Variants in SEPTIN10 observed in about 807,000 individuals in gnomAD.
The protein encoded by SEPTIN10 is septin-10.
In SEPTIN10, 66 loss-of-function variants were observed where a neutral mutation model predicts 54.8. The observed-to-expected ratio is 1.21, with a 90% CI of 0.99 to 1.48. The LOEUF (loss-of-function observed/expected upper bound fraction) is 1.48. Ranked by LOEUF, SEPTIN10 falls within the 40% of genes most tolerant of loss-of-function variation. The probability of loss-of-function intolerance (pLI) is 0.00; values close to 1 mark genes in which losing one functional copy is unlikely to be tolerated. For synonymous variants in SEPTIN10, 161 were observed against 181.0 expected (o/e 0.89, Z 0.89); for missense variants, 620 against 545.6 (o/e 1.14, Z -1.36).
At chr2:109,591,442 TACTAGTG>T (rs1431028967) in intron 2 of SEPTIN10, among the ~76,000 whole-genome samples, 1 of 152,146 alleles carries the variant, frequency 6.6e-6, no homozygotes, top group Non-Finnish European at 1.5e-5. Context: ...CACTAAAGAT[TACTAGTG>T]ACTCTGACAG....
chr2:109,544,095 T>C lies in SEPTIN10; in HGVS notation c.*214A>G, dbSNP rs771024780. ...TTGAAGCTTCTGGATTTCAGATTTTTGAATTAGAGATGCTCAACTTGTAGT... is the reference window on the plus strand; with the variant it reads ...TTGAAGCTTCTGGATTTCAGATTTTCGAATTAGAGATGCTCAACTTGTAGT... On this transcript the variant is annotated 3_prime_UTR_variant, in exon 11 of 11. Transcript: ENST00000397712. 6.8e-7 allele frequency: 1 copy of C among 1,460,542 alleles called. No homozygotes were observed. Among genetic ancestry groups the C allele is most frequent in the South Asian group, 1.3e-5 (1 of 78,192 alleles). 90.5% of individuals were successfully genotyped at this position (1,460,542 alleles called of 1,614,324 possible).
intron 4 of SEPTIN10, among the ~76,000 whole-genome samples, chr2:109,581,164 G>A (rs893531264): frequency 2.0e-5 from 3 of 152,216 alleles, no homozygotes; most frequent in Non-Finnish European, 2.9e-5. Flanking sequence ...GTTAGGCCGG[G>A]AGAGGTGGCT....
intron 10 of SEPTIN10, chr2:109,545,783 C>G (rs1681056305): frequency 7.0e-7 from 1 of 1,426,708 alleles, no homozygotes; most frequent in Non-Finnish European, 9.1e-7. Context: ...CTAACTGATC[C>G]TTTTCACACT....
intron 4 of SEPTIN10, among the ~76,000 whole-genome samples, chr2:109,583,439 T>C (rs1259110052): frequency 1.3e-5 from 2 of 152,200 alleles, no homozygotes; most frequent in Non-Finnish European, 2.9e-5. Context: ...CACAATGAGA[T>C]ACCATCTCAC....
chr2:109,579,020 T>A (rs753512844), intron 4 of SEPTIN10, among the ~76,000 whole-genome samples: 1 of 152,000 alleles, frequency 6.6e-6, no homozygotes, highest in Non-Finnish European at 1.5e-5. Flanking sequence ...ATTAAATAAA[T>A]TGACAACACT....
intron 2 of SEPTIN10, among the ~76,000 whole-genome samples, chr2:109,587,427 T>TA (rs750661331): frequency 1.3e-5 from 2 of 151,686 alleles, no homozygotes; most frequent in East Asian, 3.9e-4. Flanking sequence ...GGAGAAAAGT[T>TA]AGAGAAAGAG....
At chr2:109,592,810 GA>G (rs887499702) in intron 2 of SEPTIN10, among the ~76,000 whole-genome samples, 20 of 149,858 alleles carry the variant, frequency 1.3e-4, no homozygotes, top group African/African-American at 4.4e-4. Context: ...AAAAGAAACA[GA>G]AAAAAAAATT....
intron 1 of SEPTIN10, chr2:109,604,768 G>A (rs1467961434): frequency 6.6e-6 from 1 of 152,172 alleles, no homozygotes; most frequent in African/African-American, 2.4e-5. Flanking sequence ...TGTGCCAAGG[G>A]TACAAATATA....
At chr2:109,587,257 T>C (rs1251550308) in intron 2 of SEPTIN10, among the ~76,000 whole-genome samples, 1 of 152,150 alleles carries the variant, frequency 6.6e-6, no homozygotes, top group Non-Finnish European at 1.5e-5. Context: ...AAAAAATATA[T>C]TTAGTACTAA....
chr2:109,589,426 G>A (rs1052666951), intron 2 of SEPTIN10, among the ~76,000 whole-genome samples: 4 of 152,138 alleles, frequency 2.6e-5, no homozygotes, highest in Non-Finnish European at 4.4e-5. Flanking sequence ...CAGCTACTCC[G>A]GAGGCTACAG....
At chr2:109,562,652 G>A (rs1425041988) in intron 8 of SEPTIN10, among the ~76,000 whole-genome samples, 1 of 152,056 alleles carries the variant, frequency 6.6e-6, no homozygotes, top group East Asian at 1.9e-4. Context: ...CCTCAGAGAG[G>A]ACTTCAAAGT....
chr2:109,613,603 C>A (rs1573933103), intron 1 of SEPTIN10, 195 bp downstream of exon 1: 1 of 309,608 alleles, frequency 3.2e-6, no homozygotes, highest in Admixed American at 5.2e-5. Context: ...CCGGCCGCGC[C>A]CAGGCTCCGC....
intron 1 of SEPTIN10, among the ~76,000 whole-genome samples, chr2:109,611,545 C>A (rs1314177896): frequency 6.6e-6 from 1 of 151,936 alleles, no homozygotes. Context: ...ATCGCTTGAG[C>A]CCAGGAGTTT....
chr2:109,593,228 C>T (rs1694493873), intron 1 of SEPTIN10, 109 bp from the exon 2 acceptor site: 1 of 667,720 alleles, frequency 1.5e-6, no homozygotes. Flanking sequence ...ATGTTGTTAT[C>T]ACCAAGTTTT....
chr2:109,577,862 G>A (rs1022775085), intron 4 of SEPTIN10, among the ~76,000 whole-genome samples: 2 of 143,626 alleles, frequency 1.4e-5, no homozygotes, highest in Non-Finnish European at 3.0e-5. Context: ...ACAGTGAGCC[G>A]AGATTGCACC....
chr2:109,551,946 C>T (rs1558704613), intron 9 of SEPTIN10, among the ~76,000 whole-genome samples: 1 of 152,192 alleles, frequency 6.6e-6, no homozygotes, highest in Admixed American at 6.5e-5. Flanking sequence ...GGTCCCCAAT[C>T]CCCAGGCCGC....
chr2:109,590,057 T>C (rs1372214489), intron 2 of SEPTIN10, among the ~76,000 whole-genome samples: 4 of 146,778 alleles, frequency 2.7e-5, no homozygotes, highest in Non-Finnish European at 6.0e-5. Flanking sequence ...TATGTGTGTG[T>C]ATATATATAC....
At chr2:109,570,416 G>T (rs1219240740) in intron 5 of SEPTIN10, among the ~76,000 whole-genome samples, 3 of 151,868 alleles carry the variant, frequency 2.0e-5, no homozygotes, top group African/African-American at 7.3e-5. Flanking sequence ...ACCAACTGAG[G>T]ATCAAAAATA....
rs773273844 is a variant in SEPTIN10 at position 109,599,756 on chromosome 2, C to T, written c.31-6637G>A. On this transcript the variant is annotated intron_variant, in intron 1 of 10. Transcript: ENST00000397712. The stretch of plus-strand genomic sequence containing the variant: ...ATATAAAAGAGTTAAGAGTCTCAAG[C>T]TTAACAAAAGCTTGCACCATAACAA... Among the ~76,000 whole-genome samples the T allele has an allele frequency of 4.3e-4, 65 of 152,122 alleles. 1 individual carries two copies. Among genetic ancestry groups the T allele is most frequent in the Admixed American group, 2.0e-4 (3 of 15,276 alleles).
Sources: gnomAD v4.1 joint callset for allele counts (sites outside exome capture counted in the v4.1 genomes callset) on GRCh38, gnomAD v4.1.1 for gene constraint, MANE v1.5 for transcripts, NCBI Gene and HGNC (gene_info 2026-07-23, HGNC 2026-07-21) for gene names.